The following SLC25A12 variants were observed in gnomAD, a reference collection of about 807,000 sequenced individuals.
SLC25A12 encodes electrogenic aspartate/glutamate antiporter SLC25A12, mitochondrial.
Under a neutral mutation model 83.3 loss-of-function variants are expected in SLC25A12, and 32 were observed. The observed-to-expected ratio is 0.38, with a 90% confidence interval of 0.29 to 0.52. SLC25A12 has a LOEUF of 0.52. Among genes scored for constraint, SLC25A12 ranks in the 20% least tolerant of loss-of-function variants. The pLI is 0.84. For synonymous variants in SLC25A12, 267 were observed against 291.1 expected (o/e 0.92, Z 0.84); for missense variants, 611 against 835.6 (o/e 0.73, Z 3.31).
intron 4 of SLC25A12, chr2:171,845,742 A>G (rs1684783342): frequency 2.2e-6 from 1 of 448,138 alleles, no homozygotes; most frequent in South Asian, 1.6e-5. Flanking sequence ...TAGAGTCAAT[A>G]TAATAGCTCT....
At chr2:171,862,780 G>T (rs1172396915) in intron 3 of SLC25A12, among the ~76,000 whole-genome samples, 1 of 152,164 alleles carries the variant, frequency 6.6e-6, no homozygotes, top group African/African-American at 2.4e-5. Context: ...AGAAAACTAT[G>T]ATAGAACCAA....
intron 9 of SLC25A12, 81 bp downstream of exon 9, chr2:171,826,717 C>G (rs1383618410): frequency 1.2e-5 from 10 of 820,606 alleles, no homozygotes; most frequent in Non-Finnish European, 2.2e-5. Flanking sequence ...ATTTTTACAG[C>G]ATTCAGAAGC....
intron 5 of SLC25A12, among the ~76,000 whole-genome samples, chr2:171,839,159 T>C (rs1684619518): frequency 6.6e-6 from 1 of 152,156 alleles, no homozygotes; most frequent in Non-Finnish European, 1.5e-5. Context: ...CAGGCAGACA[T>C]TTCCTTTTTT....
At chr2:171,842,451 AGGCATAGTG>A (rs1684699902) in intron 5 of SLC25A12, among the ~76,000 whole-genome samples, 1 of 152,014 alleles carries the variant, frequency 6.6e-6, no homozygotes, top group Admixed American at 6.6e-5. Flanking sequence ...AAAATTAGCC[AGGCATAGTG>A]GCGCACACCT....
intron 5 of SLC25A12, among the ~76,000 whole-genome samples, chr2:171,837,716 GTCTC>G (rs1003659960): frequency 2.0e-5 from 3 of 152,128 alleles, no homozygotes; most frequent in African/African-American, 4.8e-5. Context: ...TGCAATCAAA[GTCTC>G]TCTCTCTGTC....
At chr2:171,842,380 G>A (rs2105893698) in intron 5 of SLC25A12, among the ~76,000 whole-genome samples, 1 of 152,082 alleles carries the variant, frequency 6.6e-6, no homozygotes, top group East Asian at 1.9e-4. Context: ...ATCACCTGAG[G>A]TCAGGAGTTC....
At chr2:171,834,357 A>C (rs1684510637) in intron 7 of SLC25A12, 2 of 428,062 alleles carry the variant, frequency 4.7e-6, no homozygotes, top group Admixed American at 3.8e-5. Context: ...CAGAGTTATA[A>C]TACAAAAAAA....
intron 11 of SLC25A12, among the ~76,000 whole-genome samples, chr2:171,810,795 C>A (rs1467876934): frequency 6.6e-6 from 1 of 152,120 alleles, no homozygotes; most frequent in Non-Finnish European, 1.5e-5. Context: ...ACACAGCATT[C>A]AATATTCATT....
At chr2:171,884,425 G>C (rs981757745) in intron 2 of SLC25A12, among the ~76,000 whole-genome samples, 1 of 150,306 alleles carries the variant, frequency 6.7e-6, no homozygotes, top group Non-Finnish European at 1.5e-5. Flanking sequence ...TCCTGACCTC[G>C]TGGTCTGCTC....
intron 4 of SLC25A12, among the ~76,000 whole-genome samples, chr2:171,855,028 T>C (rs1010154851): frequency 2.0e-5 from 3 of 152,246 alleles, no homozygotes; most frequent in Admixed American, 2.0e-4. Flanking sequence ...AAGATAGTAG[T>C]AATTTTATCT....
chr2:171,811,425 C>T (rs927723611), intron 11 of SLC25A12, among the ~76,000 whole-genome samples: 2 of 152,204 alleles, frequency 1.3e-5, no homozygotes, highest in African/African-American at 4.8e-5. Flanking sequence ...AACTCCCATA[C>T]AACCATGTCA....
At chr2:171,825,737 T>C (rs1684287586) in intron 9 of SLC25A12, among the ~76,000 whole-genome samples, 1 of 152,130 alleles carries the variant, frequency 6.6e-6, no homozygotes, top group South Asian at 2.1e-4. Flanking sequence ...CTCCTAACCC[T>C]TACCCACACA....
chr2:171,889,514 A>G (rs995802589), intron 2 of SLC25A12, among the ~76,000 whole-genome samples: 1 of 152,184 alleles, frequency 6.6e-6, no homozygotes, highest in African/African-American at 2.4e-5. Context: ...TTTATCCAAC[A>G]TACACAAAAA....
chr2:171,867,635 TGGGGAG>T (rs1333623313), intron 3 of SLC25A12, among the ~76,000 whole-genome samples: 60 of 151,964 alleles, frequency 3.9e-4, no homozygotes, highest in African/African-American at 1.4e-3. Flanking sequence ...AGGGAGACCG[TGGGGAG>T]AGGGAGAGGG....
rs569392994 is a variant in SLC25A12, at chr2:171,810,207, G to A, written c.1224+17C>T. 2 of 1,606,994 alleles carry A rather than the reference G, an allele frequency of 1.2e-6. No homozygotes were observed. Among genetic ancestry groups the A allele is most frequent in the South Asian group, 1.1e-5 (1 of 90,952 alleles). ...AATCTAAACAAATGACATAAATTCAGTTAGAGATAAACTTACAGTCAGTTT... is the reference window on the plus strand; with the variant it reads ...AATCTAAACAAATGACATAAATTCAATTAGAGATAAACTTACAGTCAGTTT... On this transcript the variant is annotated intron_variant, in intron 12 of 17. Transcript: ENST00000422440.
At chr2:171,842,319 G>C (rs1684697068) in intron 5 of SLC25A12, among the ~76,000 whole-genome samples, 1 of 150,962 alleles carries the variant, frequency 6.6e-6, no homozygotes, top group African/African-American at 2.4e-5. Context: ...TTGGCCAGGC[G>C]TGGTGGCTCA....
intron 15 of SLC25A12, among the ~76,000 whole-genome samples, chr2:171,790,263 G>A (rs1266297344): frequency 1.3e-5 from 2 of 152,216 alleles, no homozygotes; most frequent in East Asian, 3.8e-4. Context: ...GCAACACAGT[G>A]AACATAAGCC....
intron 3 of SLC25A12, among the ~76,000 whole-genome samples, chr2:171,865,327 T>C (rs1246177504): frequency 3.3e-5 from 5 of 152,166 alleles, no homozygotes; most frequent in African/African-American, 1.2e-4. Flanking sequence ...TTTATAAACT[T>C]TGAATAAAAT....
At chr2:171,854,033 T>C (rs1223007561) in intron 4 of SLC25A12, among the ~76,000 whole-genome samples, 1 of 152,214 alleles carries the variant, frequency 6.6e-6, no homozygotes, top group East Asian at 1.9e-4. Context: ...CCAGTTATTT[T>C]CCAAGCATTT....
Sources: gnomAD v4.1 joint callset for allele counts (sites outside exome capture counted in the v4.1 genomes callset) on GRCh38, gnomAD v4.1.1 for gene constraint, MANE v1.5 for transcripts, NCBI Gene and HGNC (gene_info 2026-07-23, HGNC 2026-07-21) for gene names.